The following ADAM19 variants were observed in gnomAD, a reference collection of about 807,000 sequenced individuals.
The protein encoded by ADAM19 is disintegrin and metalloproteinase domain-containing protein 19.
Under a neutral mutation model 114.7 loss-of-function variants are expected in ADAM19, and 65 were observed. The ratio of observed to expected loss-of-function variants is 0.57; its 90% CI spans 0.46 to 0.70. The LOEUF (loss-of-function observed/expected upper bound fraction) is 0.70, where lower values mean the gene tolerates loss of function less well. ADAM19 is among the 30% of genes least tolerant of loss of function. The probability of loss-of-function intolerance (pLI) is 0.00; values close to 1 mark genes in which losing one functional copy is unlikely to be tolerated. For synonymous variants in ADAM19, 466 were observed against 460.5 expected (o/e 1.01, Z -0.15); for missense variants, 1,063 against 1,204.7 (o/e 0.88, Z 1.74).
intron 21 of ADAM19, among the ~76,000 whole-genome samples, chr5:157,482,759 A>T (rs1378788718): frequency 6.6e-6 from 1 of 152,224 alleles, no homozygotes; most frequent in African/African-American, 2.4e-5. Context: ...ATGTACACGT[A>T]TGTTTATTGT....
Position 157,537,991 on chromosome 5 carries a change from C to T in ADAM19, c.252G>A (p.Glu84=), listed in dbSNP as rs377189402. Residue 84 remains glutamate, a splice_region_variant and synonymous_variant, in exon 4 of 23, where the codon GAG becomes GAA. Transcript: ENST00000257527. ...CTGTGTAGGAAGGAGCAAAAAGTTGCCTGCAAAAAATAAAAAGAGACATTT... is the reference window on the plus strand; with the variant it reads ...CTGTGTAGGAAGGAGCAAAAAGTTGTCTGCAAAAAATAAAAAGAGACATTT... ...RELILDLEKN[E]QLFAPSYTET... 12 of 1,612,910 alleles carry T rather than the reference C, an allele frequency of 7.4e-6. No homozygotes were observed. The highest frequency in any genetic ancestry group is 9.3e-6 in the Non-Finnish European group (11 of 1,179,338).
chr5:157,575,504 G>A, intron 1 of ADAM19, 99 bp downstream of exon 1: 1 of 883,350 alleles, frequency 1.1e-6, no homozygotes, highest in Non-Finnish European at 1.6e-6. Flanking sequence ...CGGAGTTGCG[G>A]GAGGCGCAGG....
intron 5 of ADAM19, among the ~76,000 whole-genome samples, chr5:157,523,996 A>G (rs576355810): frequency 6.6e-6 from 1 of 152,162 alleles, no homozygotes; most frequent in East Asian, 1.9e-4. Context: ...CCTTCCTCCA[A>G]CTGCTGTTCC....
rs114156065 is a variant in ADAM19 at position 157,557,141 on chromosome 5, C to T, written c.251+7232G>A. Among the ~76,000 whole-genome samples, 759 of 152,258 alleles carry T rather than the reference C, an allele frequency of 5.0e-3. 7 individuals carry two copies. The highest frequency in any genetic ancestry group is 0.018 in the African/African-American group (729 of 41,544). On this transcript the variant is annotated intron_variant, in intron 3 of 22. Transcript: ENST00000257527. ...CAGGCTGGTCTCGAACTCCTGGGCT[C>T]GCGTGATCCACCCGGCTCAGCCTCC...
At chr5:157,550,184 C>T (rs1757151881) in intron 3 of ADAM19, among the ~76,000 whole-genome samples, 1 of 152,180 alleles carries the variant, frequency 6.6e-6, no homozygotes, top group South Asian at 2.1e-4. Context: ...GTTTATGTCA[C>T]ACAGTTCTTG....
chr5:157,517,578 T>A (rs1756129423), intron 7 of ADAM19, among the ~76,000 whole-genome samples: 1 of 152,206 alleles, frequency 6.6e-6, no homozygotes, highest in African/African-American at 2.4e-5. Flanking sequence ...GAATCCCCCA[T>A]TATCTGCACT....
chr5:157,492,894 G>T, intron 16 of ADAM19, 79 bp downstream of exon 16: 2 of 1,510,182 alleles, frequency 1.3e-6, no homozygotes, highest in Non-Finnish European at 1.8e-6. Flanking sequence ...TCTGAGCCCA[G>T]GCATCCTTCC....
chr5:157,497,072 G>C lies in ADAM19; in HGVS notation c.1416C>G (p.Thr472=). The part of the protein sequence containing the change: ...CHQCKLLAPG[T]LCREQARQCD... ...ACTGCCTGGCCTGCTCGCGGCACAG[G>C]GTCCCAGGAGCCAACAGCTGAGCCA... is the stretch of plus-strand genomic sequence containing the variant. The change falls in exon 14 of 23, where the codon ACC becomes ACG. Residue 472 remains threonine (T), a synonymous_variant. Transcript: ENST00000257527. The C allele has an allele frequency of 6.6e-7, 1 of 1,526,172 alleles. No individual in the cohort carries two copies. Among genetic ancestry groups the C allele is most frequent in the Non-Finnish European group, 8.7e-7 (1 of 1,143,572 alleles). 94.5% of individuals were successfully genotyped at this position (1,526,172 alleles called of 1,614,324 possible). A position where few individuals can be genotyped will look rare whatever the true frequency, so the allele number is the denominator to read the frequency against.
At chr5:157,504,761 G>A (rs1327420078) in intron 11 of ADAM19, among the ~76,000 whole-genome samples, 1 of 152,126 alleles carries the variant, frequency 6.6e-6, no homozygotes, top group Non-Finnish European at 1.5e-5. Context: ...TGCTGCCTGA[G>A]TTCAGATGCT....
intron 1 of ADAM19, chr5:157,572,398 T>C (rs1043337755): frequency 1.8e-5 from 7 of 389,906 alleles, no homozygotes; most frequent in African/African-American, 2.1e-5. Context: ...TCCCGACACC[T>C]AAACAGACTG....
At chr5:157,541,564 C>A (rs75081214) in intron 3 of ADAM19, among the ~76,000 whole-genome samples, 1,872 of 152,212 alleles carry the variant, frequency 0.012, 32 homozygotes, top group African/African-American at 0.043. Context: ...TCTTCAGACT[C>A]CCACCTAGGA....
intron 3 of ADAM19, among the ~76,000 whole-genome samples, chr5:157,541,209 C>G (rs1756909567): frequency 1.3e-5 from 2 of 152,202 alleles, no homozygotes; most frequent in Non-Finnish European, 1.5e-5. Flanking sequence ...CATCTCCTCC[C>G]TGACGAGGGG....
At chr5:157,570,134 C>T (rs1757780945) in intron 2 of ADAM19, among the ~76,000 whole-genome samples, 1 of 152,174 alleles carries the variant, frequency 6.6e-6, no homozygotes, top group Admixed American at 6.5e-5. Context: ...GCAGCACACA[C>T]ATGTAATCTC....
At chr5:157,527,273 C>T (rs1257982738) in intron 5 of ADAM19, among the ~76,000 whole-genome samples, 4 of 151,852 alleles carry the variant, frequency 2.6e-5, no homozygotes, top group African/African-American at 4.8e-5. Context: ...TGCAGTGATG[C>T]GATTTCAGCT....
chr5:157,504,266 C>T (rs11134774), intron 11 of ADAM19, among the ~76,000 whole-genome samples: 51,677 of 151,954 alleles, frequency 0.34, 10,451 homozygotes, highest in African/African-American at 0.57. Context: ...GGTTTTGAGA[C>T]GGAGTCTTGC....
At chr5:157,495,490 C>T (rs969040750) in intron 14 of ADAM19, among the ~76,000 whole-genome samples, 1 of 152,138 alleles carries the variant, frequency 6.6e-6, no homozygotes, top group Non-Finnish European at 1.5e-5. Flanking sequence ...CATCCAGTTC[C>T]TACTTCTCTA....
At chr5:157,488,197 G>A in intron 21 of ADAM19, 68 bp downstream of exon 21, 1 of 1,478,922 alleles carries the variant, frequency 6.8e-7, no homozygotes, top group Admixed American at 1.8e-5. Flanking sequence ...CCCCACCTTT[G>A]CCATTACCCA....
chr5:157,489,831 C>T (rs957936388), intron 19 of ADAM19, among the ~76,000 whole-genome samples: 2 of 152,030 alleles, frequency 1.3e-5, no homozygotes, highest in African/African-American at 4.8e-5. Flanking sequence ...ACTAAAAATA[C>T]AAAAAATTAG....
At chr5:157,489,780 G>T (rs1313887664) in intron 19 of ADAM19, among the ~76,000 whole-genome samples, 1 of 152,196 alleles carries the variant, frequency 6.6e-6, no homozygotes, top group Non-Finnish European at 1.5e-5. Context: ...GAGGTCAAGA[G>T]TTCGAGACCA....
Sources: gnomAD v4.1 joint callset for allele counts (sites outside exome capture counted in the v4.1 genomes callset) on GRCh38, gnomAD v4.1.1 for gene constraint, MANE v1.5 for transcripts, NCBI Gene and HGNC (gene_info 2026-07-23, HGNC 2026-07-21) for gene names.